The following VPS13B variants were observed in gnomAD, a reference collection of about 807,000 sequenced individuals.
VPS13B encodes the protein vacuolar protein sorting 13 homolog B.
In VPS13B, 285 loss-of-function variants were observed where a neutral mutation model predicts 426.4. That is an observed-to-expected ratio of 0.67 (90% confidence interval 0.61 to 0.74). The LOEUF (loss-of-function observed/expected upper bound fraction) is 0.74, where lower values mean the gene tolerates loss of function less well. Ranked by LOEUF, VPS13B falls within the 30% of genes least tolerant of loss-of-function variation. VPS13B has a pLI of 0.00. For missense variants in VPS13B, 4,537 were observed against 4,782.6 expected, an observed-to-expected ratio of 0.95 and a Z score of 1.51; for synonymous variants, 1,676 against 1,676.4, an observed-to-expected ratio of 1.00 and a Z score of 0.01.
intron 19 of VPS13B, among the ~76,000 whole-genome samples, chr8:99,291,035 G>A (rs193293721): frequency 2.8e-4 from 43 of 152,180 alleles, no homozygotes; most frequent in Admixed American, 2.8e-3. Flanking sequence ...ACTAGCATAG[G>A]CAGTAGTGTG....
intron 17 of VPS13B, among the ~76,000 whole-genome samples, chr8:99,269,109 A>G (rs996886064): frequency 2.6e-5 from 4 of 152,166 alleles, no homozygotes; most frequent in Non-Finnish European, 5.9e-5. Context: ...TGGAACTGTG[A>G]CTCAATTAAA....
At chr8:99,233,091 C>A in intron 17 of VPS13B, 1 of 1,373,612 alleles carries the variant, frequency 7.3e-7, no homozygotes, top group Non-Finnish European at 1.0e-6. Context: ...GGTATTTCTA[C>A]TCCTGCTGCT....
chr8:99,509,041 C>A (rs1193711188), intron 28 of VPS13B, among the ~76,000 whole-genome samples: 1 of 152,048 alleles, frequency 6.6e-6, no homozygotes, highest in Admixed American at 6.6e-5. Flanking sequence ...TCAAATGTTG[C>A]TATTAATAAA....
At chr8:99,089,412 C>T (rs7816843) in intron 3 of VPS13B, among the ~76,000 whole-genome samples, 108,805 of 151,996 alleles carry the variant, frequency 0.72, 39,975 homozygotes, top group South Asian at 0.87. Context: ...GTCCTGATGA[C>T]GTGTGCCCAA....
chr8:99,773,408 A>G (rs1811608088), intron 40 of VPS13B, among the ~76,000 whole-genome samples: 1 of 152,190 alleles, frequency 6.6e-6, no homozygotes, highest in Non-Finnish European at 1.5e-5. Context: ...GAGAAGTGAC[A>G]TTCAGAGCTG....
At position 99,482,207 on chromosome 8, in the gene VPS13B, A is replaced by T. The variant is rs189032301; in HGVS notation, c.3870+405A>T. Among the ~76,000 whole-genome samples, 58 of 152,106 alleles carry T rather than the reference A, an allele frequency of 3.8e-4. 2 individuals carry two copies. Among genetic ancestry groups the T allele is most frequent in the South Asian group, 3.5e-3 (17 of 4,818 alleles). On this transcript the variant is annotated intron_variant, in intron 25 of 61. Transcript: ENST00000357162. ...ACCTGGTTTAGATTAGTGGTTTTCA[A>T]CCCTATCAGACCCAATGCCCTCTCC...
chr8:99,657,136 T>TA (rs1830049167), intron 34 of VPS13B, among the ~76,000 whole-genome samples: 1 of 152,174 alleles, frequency 6.6e-6, no homozygotes, highest in Admixed American at 6.6e-5. Flanking sequence ...TGTCTCCTAT[T>TA]AAGTCATCTC....
chr8:99,075,831 T>C (rs555680264), intron 3 of VPS13B, among the ~76,000 whole-genome samples: 2 of 152,318 alleles, frequency 1.3e-5, no homozygotes, highest in South Asian at 4.1e-4. Flanking sequence ...AAGCTAACTT[T>C]TTGTTTCATT....
intron 30 of VPS13B, among the ~76,000 whole-genome samples, chr8:99,525,468 C>A (rs1032050531): frequency 6.6e-6 from 1 of 152,104 alleles, no homozygotes; most frequent in Non-Finnish European, 1.5e-5. Flanking sequence ...CCTTCCAAAG[C>A]TAAGAACAGA....
At chr8:99,412,692 A>T (rs185430599) in intron 21 of VPS13B, among the ~76,000 whole-genome samples, 1 of 152,264 alleles carries the variant, frequency 6.6e-6, no homozygotes, top group African/African-American at 2.4e-5. Flanking sequence ...TTCCAGTATG[A>T]TATTGACTGT....
intron 21 of VPS13B, among the ~76,000 whole-genome samples, chr8:99,399,313 G>T (rs774747923): frequency 2.0e-5 from 3 of 152,078 alleles, no homozygotes; most frequent in Non-Finnish European, 2.9e-5. Context: ...AGCTTAAAAT[G>T]ATATACAAAG....
At chr8:99,813,452 T>G (rs954086961) in intron 44 of VPS13B, among the ~76,000 whole-genome samples, 3 of 152,118 alleles carry the variant, frequency 2.0e-5, no homozygotes, top group African/African-American at 7.2e-5. Context: ...AATAACAGAG[T>G]TAAATAATGC....
chr8:99,156,341 A>G (rs748216753), intron 14 of VPS13B, among the ~76,000 whole-genome samples: 8 of 152,248 alleles, frequency 5.3e-5, no homozygotes, highest in Non-Finnish European at 8.8e-5. Flanking sequence ...TGCAAAAAAT[A>G]TGCATTCTTT....
chr8:99,743,528 C>G (rs1809882804), intron 39 of VPS13B, among the ~76,000 whole-genome samples: 1 of 152,084 alleles, frequency 6.6e-6, no homozygotes, highest in Non-Finnish European at 1.5e-5. Context: ...AATCCTAAGC[C>G]AAAACAACAA....
chr8:99,704,180 A>G (rs1832404412), intron 36 of VPS13B, among the ~76,000 whole-genome samples: 1 of 152,172 alleles, frequency 6.6e-6, no homozygotes, highest in Admixed American at 6.5e-5. Context: ...TGTCATCCAG[A>G]TGTACTTATC....
intron 37 of VPS13B, among the ~76,000 whole-genome samples, chr8:99,718,056 C>T (rs374494999): frequency 1.1e-4 from 16 of 151,304 alleles, no homozygotes; most frequent in South Asian, 2.1e-4. Flanking sequence ...GTGGAATTGC[C>T]GGGTTGAATT....
intron 19 of VPS13B, among the ~76,000 whole-genome samples, chr8:99,280,942 A>G (rs1318531937): frequency 1.3e-5 from 2 of 151,834 alleles, no homozygotes; most frequent in African/African-American, 4.8e-5. Flanking sequence ...TTTCTATTCA[A>G]TCCTTAGTCT....
At chr8:99,517,225 T>G (rs1822130389) in intron 29 of VPS13B, among the ~76,000 whole-genome samples, 1 of 152,188 alleles carries the variant, frequency 6.6e-6, no homozygotes, top group Non-Finnish European at 1.5e-5. Flanking sequence ...ACACTTTTAT[T>G]CAGGTTGGAA....
At chr8:99,190,397 G>A (rs996352464) in intron 16 of VPS13B, among the ~76,000 whole-genome samples, 1 of 150,890 alleles carries the variant, frequency 6.6e-6, no homozygotes, top group South Asian at 2.1e-4. Flanking sequence ...ATGCTTAGAC[G>A]TTTGAGACTT....
Sources: allele counts gnomAD v4.1 joint callset (sites outside exome capture counted in the v4.1 genomes callset), GRCh38; gene constraint gnomAD v4.1.1; transcripts MANE v1.5; gene names NCBI Gene and HGNC (gene_info 2026-07-23, HGNC 2026-07-21).